Variants in SPATA16 observed in about 807,000 individuals in gnomAD.
SPATA16 encodes the protein spermatogenesis associated 16, also known as spermatogenesis-associated protein 16.
Under a neutral mutation model 63.3 loss-of-function variants are expected in SPATA16, and 36 were observed. The observed-to-expected ratio is 0.57, with a 90% CI of 0.44 to 0.75. SPATA16 has a LOEUF of 0.75. Among genes scored for constraint, SPATA16 ranks in the 30% least tolerant of loss-of-function variants. The pLI, the probability that SPATA16 is intolerant of heterozygous loss-of-function variation, is 0.00. For synonymous variants in SPATA16, 203 were observed against 216.7 expected, an observed-to-expected ratio of 0.94 and a Z score of 0.56; for missense variants, 646 against 679.3, an observed-to-expected ratio of 0.95 and a Z score of 0.54.
chr3:173,100,521 C>T (rs1438566041), intron 2 of SPATA16, among the ~76,000 whole-genome samples: 3 of 151,982 alleles, frequency 2.0e-5, no homozygotes, highest in African/African-American at 4.8e-5. Context: ...CACTTTTCAT[C>T]GTTCTGCTTG....
chr3:173,043,667 C>T (rs1735897440), intron 3 of SPATA16, among the ~76,000 whole-genome samples: 1 of 151,700 alleles, frequency 6.6e-6, no homozygotes, highest in Non-Finnish European at 1.5e-5. Context: ...TACCATTTAT[C>T]ACCTCTGGTA....
chr3:173,068,929 T>C (rs1030441497), intron 2 of SPATA16, among the ~76,000 whole-genome samples: 1 of 149,260 alleles, frequency 6.7e-6, no homozygotes, highest in African/African-American at 2.5e-5. Context: ...GCTAACACGG[T>C]GAAACCCCGT....
At chr3:172,903,974 C>G (rs1291072006) in intron 10 of SPATA16, among the ~76,000 whole-genome samples, 2 of 152,210 alleles carry the variant, frequency 1.3e-5, no homozygotes, top group African/African-American at 4.8e-5. Context: ...CTTGTGACAG[C>G]TTTGTTTGGT....
intron 3 of SPATA16, among the ~76,000 whole-genome samples, chr3:173,033,893 C>T (rs554432880): frequency 6.6e-6 from 1 of 151,898 alleles, no homozygotes; most frequent in Non-Finnish European, 1.5e-5. Context: ...TTAGTACAGA[C>T]GGGGTTTCAC....
intron 2 of SPATA16, among the ~76,000 whole-genome samples, chr3:173,106,763 T>A (rs1448320679): frequency 6.6e-6 from 1 of 152,158 alleles, no homozygotes; most frequent in Non-Finnish European, 1.5e-5. Flanking sequence ...ATCCTTCTAG[T>A]AATGTTTCAC....
chr3:172,913,238 T>G (rs928130479), intron 10 of SPATA16, among the ~76,000 whole-genome samples: 5 of 152,202 alleles, frequency 3.3e-5, no homozygotes, highest in African/African-American at 1.2e-4. Context: ...GTTAGTTCTT[T>G]ACTAAAAACA....
rs559789118 is a variant in SPATA16 at position 173,107,979 on chromosome 3, C to A, written c.612+9141G>T. 8.5e-5 allele frequency among the ~76,000 whole-genome samples: 13 copies of A among 152,222 alleles called. No homozygotes were observed. The South Asian group carries it at 1.7e-3, about 19-fold the overall frequency. ...TTTAGGGTTGTGTAAGACTTCATGA[C>A]AATTGGTTAGGTATTGATTCAGAAG... On this transcript the variant is annotated intron_variant, in intron 2 of 10. Transcript: ENST00000351008.
intron 4 of SPATA16, among the ~76,000 whole-genome samples, chr3:173,015,363 A>G (rs1184035831): frequency 6.6e-6 from 1 of 152,128 alleles, no homozygotes; most frequent in African/African-American, 2.4e-5. Context: ...TGCAGCCAGC[A>G]GAAAATTCTT....
At chr3:173,056,705 C>CAAA (rs71162325) in intron 2 of SPATA16, among the ~76,000 whole-genome samples, 1,450 of 73,554 alleles carry the variant, frequency 0.02, 139 homozygotes, top group African/African-American at 0.076. Flanking sequence ...ACTCTTGTTT[C>CAAA]AAAAAAAAAA....
chr3:172,973,744 T>A (rs147928140), intron 5 of SPATA16, among the ~76,000 whole-genome samples: 44 of 152,254 alleles, frequency 2.9e-4, no homozygotes, highest in Middle Eastern at 3.4e-3. Flanking sequence ...AGGACCAATA[T>A]ATAAATACGA....
intron 2 of SPATA16, among the ~76,000 whole-genome samples, chr3:173,067,574 G>A (rs867149780): frequency 2.6e-5 from 4 of 151,868 alleles, no homozygotes; most frequent in Admixed American, 6.6e-5. Flanking sequence ...AAACCTGCAC[G>A]CATACCCCCG....
chr3:173,019,883 ATTTG>A (rs145588030), intron 3 of SPATA16, among the ~76,000 whole-genome samples: 16,454 of 151,940 alleles, frequency 0.11, 1,051 homozygotes, highest in East Asian at 0.14. Context: ...GTGCTATTTT[ATTTG>A]TTTTTAAATG....
intron 2 of SPATA16, among the ~76,000 whole-genome samples, chr3:173,073,517 C>T (rs1033245592): frequency 6.6e-6 from 1 of 152,234 alleles, no homozygotes; most frequent in Non-Finnish European, 1.5e-5. Context: ...GCTGTGGCTT[C>T]AGAGGGTGTA....
intron 3 of SPATA16, among the ~76,000 whole-genome samples, chr3:173,038,850 A>T (rs1477297542): frequency 6.6e-6 from 1 of 152,186 alleles, no homozygotes; most frequent in Non-Finnish European, 1.5e-5. Flanking sequence ...AAACATTTTC[A>T]CATCTGTAAT....
intron 4 of SPATA16, among the ~76,000 whole-genome samples, chr3:173,007,100 C>CAAAAT (rs1216135140): frequency 9.2e-5 from 14 of 152,058 alleles, no homozygotes; most frequent in African/African-American, 3.4e-4. Context: ...CTCAGAGTGT[C>CAAAAT]AAAATAAAAT....
At chr3:173,134,235 T>C (rs1328163139) in intron 1 of SPATA16, among the ~76,000 whole-genome samples, 2 of 152,206 alleles carry the variant, frequency 1.3e-5, no homozygotes, top group South Asian at 4.1e-4. Context: ...GTCTTAAGCA[T>C]GTCCCCTAAA....
At chr3:173,045,135 T>C (rs1169392773) in intron 3 of SPATA16, among the ~76,000 whole-genome samples, 1 of 152,152 alleles carries the variant, frequency 6.6e-6, no homozygotes, top group Non-Finnish European at 1.5e-5. Flanking sequence ...TAAATTCCCA[T>C]GCAGACTTCT....
chr3:173,041,806 G>A (rs1411459060), intron 3 of SPATA16, among the ~76,000 whole-genome samples: 2 of 151,938 alleles, frequency 1.3e-5, no homozygotes, highest in Non-Finnish European at 2.9e-5. Flanking sequence ...GGGCTGTTGC[G>A]GGATGGGGGC....
chr3:172,889,462 G>T lies in SPATA16; in HGVS notation c.*108C>A. ...GAGGGGAATACCACCTCTTTCTTTT[G>T]GTGACAAGCTTTTGTTATCCAGCTT... On this transcript the variant is annotated 3_prime_UTR_variant, in exon 11 of 11. Transcript: ENST00000351008. 6.6e-7 allele frequency: 1 copy of T among 1,513,252 alleles called. No individual in the cohort carries two copies. Among genetic ancestry groups the T allele is most frequent in the Non-Finnish European group, 9.1e-7 (1 of 1,097,480 alleles). 93.7% of individuals were successfully genotyped at this position (1,513,252 alleles called of 1,614,324 possible).
Sources: allele counts gnomAD v4.1 joint callset (sites outside exome capture counted in the v4.1 genomes callset), GRCh38; gene constraint gnomAD v4.1.1; transcripts MANE v1.5; gene names NCBI Gene and HGNC (gene_info 2026-07-23, HGNC 2026-07-21).